SCMH1: variants seen among roughly 807,000 people sequenced by gnomAD.
SCMH1 encodes Scm polycomb group protein homolog 1, also known as polycomb protein SCMH1.
Under a neutral mutation model 70.8 loss-of-function variants are expected in SCMH1, and 37 were observed. The ratio of observed to expected loss-of-function variants is 0.52; its 90% CI spans 0.40 to 0.69. The LOEUF (loss-of-function observed/expected upper bound fraction) is 0.69. Ranked by LOEUF, SCMH1 falls within the 30% of genes least tolerant of loss-of-function variation. The pLI is 0.00. For synonymous variants in SCMH1, 292 were observed against 307.4 expected (o/e 0.95, Z 0.52); for missense variants, 607 against 827.3 (o/e 0.73, Z 3.27).
At chr1:41,134,553 G>C (rs1408138250) in intron 6 of SCMH1, among the ~76,000 whole-genome samples, 1 of 152,120 alleles carries the variant, frequency 6.6e-6, no homozygotes, top group Non-Finnish European at 1.5e-5. Context: ...TCAGCCCCAA[G>C]CTGATAAGCA....
chr1:41,127,736 T>A (rs891228614), intron 6 of SCMH1, among the ~76,000 whole-genome samples: 1 of 152,130 alleles, frequency 6.6e-6, no homozygotes, highest in South Asian at 2.1e-4. Flanking sequence ...AGAGCCCTTA[T>A]TTGATAGAAC....
At chr1:41,056,294 C>T (rs899595215) in intron 10 of SCMH1, among the ~76,000 whole-genome samples, 1 of 152,166 alleles carries the variant, frequency 6.6e-6, no homozygotes, top group African/African-American at 2.4e-5. Context: ...TATCATAAGC[C>T]CCAATTGAGG....
At chr1:41,209,393 G>A (rs1280383753) in intron 1 of SCMH1, among the ~76,000 whole-genome samples, 2 of 152,148 alleles carry the variant, frequency 1.3e-5, no homozygotes, top group Non-Finnish European at 2.9e-5. Flanking sequence ...TGATACCAAA[G>A]CCTGGCAGAG....
intron 6 of SCMH1, among the ~76,000 whole-genome samples, chr1:41,117,753 C>T (rs1373200031): frequency 6.6e-6 from 1 of 152,088 alleles, no homozygotes; most frequent in Non-Finnish European, 1.5e-5. Context: ...TAAGCTGTCT[C>T]TCTCTCTCTC....
At chr1:41,089,559 C>T (rs1662720112) in intron 8 of SCMH1, among the ~76,000 whole-genome samples, 1 of 152,132 alleles carries the variant, frequency 6.6e-6, no homozygotes, top group African/African-American at 2.4e-5. Flanking sequence ...TTTGTCTCTG[C>T]TCCTCTACTC....
chr1:41,063,061 C>G (rs1653324000), intron 10 of SCMH1, among the ~76,000 whole-genome samples: 1 of 152,058 alleles, frequency 6.6e-6, no homozygotes, highest in African/African-American at 2.4e-5. Context: ...AAGCAGCAAT[C>G]TGAGCTTCCA....
At chr1:41,105,289 A>G (rs1026005557) in intron 8 of SCMH1, among the ~76,000 whole-genome samples, 4 of 152,050 alleles carry the variant, frequency 2.6e-5, no homozygotes, top group Non-Finnish European at 5.9e-5. Flanking sequence ...TAATCTGTCA[A>G]ATTTGTCATA....
At chr1:41,032,143 A>G (rs1384549126) in intron 13 of SCMH1, among the ~76,000 whole-genome samples, 1 of 152,192 alleles carries the variant, frequency 6.6e-6, no homozygotes, top group Non-Finnish European at 1.5e-5. Flanking sequence ...AGTCTTCAGG[A>G]CTGTGAGAAA....
rs543637815 is a variant in SCMH1, at chr1:41,124,239, G to A, written c.413-7229C>T. 1.1e-4 allele frequency among the ~76,000 whole-genome samples: 16 copies of A among 151,950 alleles called. No individual in the cohort carries two copies. The East Asian group carries it at 2.9e-3, about 28-fold the overall frequency. On this transcript the variant is annotated intron_variant, in intron 6 of 14. Transcript: ENST00000337495. ...ACTATATGAAAGTTGGAGATGTTAC[G>A]ACACTTCACCCCTAAATATATCAGT...
intron 8 of SCMH1, among the ~76,000 whole-genome samples, chr1:41,103,487 AG>A (rs771470336): frequency 2.6e-5 from 4 of 152,148 alleles, no homozygotes; most frequent in Admixed American, 2.0e-4. Context: ...GTTTTCAGTA[AG>A]ATTTTCCTGA....
chr1:41,192,495 G>GACACACACACAC (rs55940657), intron 1 of SCMH1, among the ~76,000 whole-genome samples: 9,203 of 148,614 alleles, frequency 0.062, 395 homozygotes, highest in Non-Finnish European at 0.087. Flanking sequence ...TTAAATAGGA[G>GACACACACACAC]ACACACACAC....
At chr1:41,213,008 G>A (rs1181826931) in intron 1 of SCMH1, among the ~76,000 whole-genome samples, 1 of 152,132 alleles carries the variant, frequency 6.6e-6, no homozygotes, top group African/African-American at 2.4e-5. Flanking sequence ...TGATCTGTAT[G>A]CCAGTAAATG....
chr1:41,104,894 C>T (rs148264368), intron 8 of SCMH1, among the ~76,000 whole-genome samples: 43 of 152,170 alleles, frequency 2.8e-4, no homozygotes, highest in African/African-American at 1.0e-3. Flanking sequence ...AATCTTAGTG[C>T]CCTGTGCCAC....
At chr1:41,066,574 T>G (rs1280657632) in intron 10 of SCMH1, among the ~76,000 whole-genome samples, 1 of 152,062 alleles carries the variant, frequency 6.6e-6, no homozygotes, top group Non-Finnish European at 1.5e-5. Flanking sequence ...GCCATCTTTT[T>G]TTGTTGTTGT....
intron 6 of SCMH1, among the ~76,000 whole-genome samples, chr1:41,127,119 G>A (rs914993451): frequency 2.6e-5 from 4 of 152,272 alleles, no homozygotes; most frequent in African/African-American, 7.2e-5. Flanking sequence ...TATGAGTGGT[G>A]TGAATTTTCA....
intron 7 of SCMH1, among the ~76,000 whole-genome samples, chr1:41,115,440 T>A (rs779470106): frequency 1.3e-5 from 2 of 152,172 alleles, no homozygotes. Context: ...TAATGCATTT[T>A]ATTTATTTAT....
intron 1 of SCMH1, among the ~76,000 whole-genome samples, chr1:41,202,517 T>C (rs1043705367): frequency 6.6e-6 from 1 of 152,224 alleles, no homozygotes; most frequent in Non-Finnish European, 1.5e-5. Flanking sequence ...TACTTTTATA[T>C]GGTAGTACCA....
chr1:41,175,504 ATC>A (rs1335176640), intron 2 of SCMH1, among the ~76,000 whole-genome samples: 4 of 152,270 alleles, frequency 2.6e-5, no homozygotes, highest in South Asian at 2.1e-4. Flanking sequence ...TCCACAATAA[ATC>A]TCTCTCTTTA....
At chr1:41,028,346 TGGAA>T in intron 14 of SCMH1, 27 bp from the exon 16 acceptor site, 1 of 1,611,854 alleles carries the variant, frequency 6.2e-7, no homozygotes, top group South Asian at 1.1e-5. Context: ...TGGGCAGAAG[TGGAA>T]GGGAGGCACC....
Sources: allele counts gnomAD v4.1 joint callset (sites outside exome capture counted in the v4.1 genomes callset), GRCh38; gene constraint gnomAD v4.1.1; transcripts MANE v1.5; gene names NCBI Gene and HGNC (gene_info 2026-07-23, HGNC 2026-07-21).